The following C1orf53 variants were observed in gnomAD, a reference collection of about 807,000 sequenced individuals.
C1orf53 encodes uncharacterized protein C1orf53.
C1orf53 carries 23 observed loss-of-function variants against 17.5 expected under a neutral mutation model. The observed-to-expected ratio is 1.31, with a 90% CI of 0.94 to 1.86. The LOEUF is 1.86. C1orf53 is among the 40% of genes most tolerant of loss of function. C1orf53 has a pLI of 0.00. For synonymous variants in C1orf53, 108 were observed against 81.9 expected (o/e 1.32, Z -1.72); for missense variants, 255 against 193.2 (o/e 1.32, Z -1.89).
intron 1 of C1orf53, among the ~76,000 whole-genome samples, chr1:197,903,151 C>T (rs1450833540): frequency 6.6e-6 from 1 of 152,186 alleles, no homozygotes; most frequent in African/African-American, 2.4e-5. Flanking sequence ...CGATCAGCGT[C>T]CGAGCTAAAC....
At chr1:197,905,744 A>T in intron 1 of C1orf53, 52 bp from the exon 2 acceptor site, 2 of 1,184,390 alleles carry the variant, frequency 1.7e-6, no homozygotes, top group East Asian at 2.3e-5. Flanking sequence ...TATGGTGAAG[A>T]GATATGATGA....
In C1orf53 at chr1:197,902,634, C is replaced by A; in HGVS notation, c.-16C>A. The stretch of plus-strand genomic sequence containing the variant: ...CCCCAGCGCCGGGTGCTCCGCCTCC[C>A]AAGGCCGGCGGCGGCATGGCGGCCA... On this transcript the variant is annotated 5_prime_UTR_variant, in exon 1 of 3. Coordinates refer to ENST00000367393, the MANE Select transcript of C1orf53 (RefSeq NM_001024594.3). 7.1e-7 allele frequency: 1 copy of A among 1,406,610 alleles called. No individual in the cohort carries two copies. Among genetic ancestry groups the A allele is most frequent in the South Asian group, 1.5e-5 (1 of 65,040 alleles). The allele number at this position is 1,406,610 out of a possible 1,614,324, so 87.1% of individuals were successfully genotyped here. A position where few individuals can be genotyped will look rare whatever the true frequency, so the allele number is the denominator to read the frequency against.
chr1:197,907,272 A>G lies in C1orf53; in HGVS notation c.*52A>G. On this transcript the variant is annotated 3_prime_UTR_variant, in exon 3 of 3. Transcript: ENST00000367393. The stretch of plus-strand genomic sequence containing the variant: ...TGTGCTTGTATTTTTTAAAAAATAA[A>G]GCCCCAATTCAGAATTGCTGGATTA... 1 of 1,034,190 alleles carries G rather than the reference A, an allele frequency of 9.7e-7. No homozygotes were observed. The highest frequency in any genetic ancestry group is 1.5e-5 in the South Asian group (1 of 65,062). The allele number at this position is 1,034,190 out of a possible 1,614,324, so 64.1% of individuals were successfully genotyped here. A position where few individuals can be genotyped will look rare whatever the true frequency, so the allele number is the denominator to read the frequency against.
chr1:197,903,960 T>C (rs544790165), intron 1 of C1orf53, among the ~76,000 whole-genome samples: 1 of 152,350 alleles, frequency 6.6e-6, no homozygotes, highest in East Asian at 1.9e-4. Flanking sequence ...AAAAGTGTCA[T>C]TCTCCTTAGA....
intron 1 of C1orf53, among the ~76,000 whole-genome samples, chr1:197,903,548 G>A (rs1342819725): frequency 2.0e-5 from 3 of 152,112 alleles, no homozygotes; most frequent in Non-Finnish European, 4.4e-5. Flanking sequence ...GTCTGCGTGA[G>A]TTTAAAGGCA....
chr1:197,903,710 G>A (rs1324515766), intron 1 of C1orf53, among the ~76,000 whole-genome samples: 4 of 152,206 alleles, frequency 2.6e-5, no homozygotes, highest in East Asian at 1.9e-4. Flanking sequence ...TATGACTTGA[G>A]CCAAAGGGGT....
Position 197,902,915 on chromosome 1 carries a change from TGA to T in C1orf53, c.264+5_264+6del, listed in dbSNP as rs1437500613. 19 of 1,454,038 alleles carry T rather than the reference TGA, an allele frequency of 1.3e-5. No homozygotes were observed. The highest frequency in any genetic ancestry group is 1.6e-5 in the Non-Finnish European group (18 of 1,106,176). 90.1% of individuals were successfully genotyped at this position (1,454,038 alleles called of 1,614,324 possible). ...GAGCTGCACGCTGCCGCCTGCGCGG[TGA>T]GACTCCCTCCTGCCCGCCCCGCCCC... is the stretch of plus-strand genomic sequence containing the variant. On this transcript the variant is annotated splice_donor_region_variant and intron_variant, in intron 1 of 2. Transcript: ENST00000367393.
chr1:197,905,972 A>C lies in C1orf53; in HGVS notation c.366+75A>C, dbSNP rs138123930. ...CTTCGTAAATACCTATTATTTGAAC[A>C]ACAAGTCAAATAAAAAACCAAATAG... On this transcript the variant is annotated intron_variant, in intron 2 of 2. Transcript: ENST00000367393. The C allele has an allele frequency of 2.2e-3, 2,432 of 1,120,804 alleles. 28 individuals are homozygous for C. Among genetic ancestry groups the C allele is most frequent in the East Asian group, 5.7e-3 (243 of 42,488 alleles). The allele number at this position is 1,120,804 out of a possible 1,614,324, so 69.4% of individuals were successfully genotyped here.
chr1:197,905,876 T>C lies in C1orf53; in HGVS notation c.345T>C (p.Cys115=). Residue 115 remains cysteine (C), a synonymous_variant, in exon 2 of 3, where the codon TGT becomes TGC. Coordinates refer to ENST00000367393, the MANE Select transcript of C1orf53 (RefSeq NM_001024594.3). ...TQIAHLQRGE[C]CGSACRHCPY... is the part of the protein sequence containing the mutation. ...TTGCCCACTTGCAAAGAGGTGAATGTTGTGGCTCTGCGTGCAGACATGTGA... is the reference window on the plus strand; with the variant it reads ...TTGCCCACTTGCAAAGAGGTGAATGCTGTGGCTCTGCGTGCAGACATGTGA... The C allele has an allele frequency of 2.5e-6, 4 of 1,613,822 alleles. No homozygotes were observed. The highest frequency in any genetic ancestry group is 3.4e-6 in the Non-Finnish European group (4 of 1,179,704).
At chr1:197,903,033 C>A in intron 1 of C1orf53, 120 bp downstream of exon 1, 2 of 946,074 alleles carry the variant, frequency 2.1e-6, no homozygotes, top group Non-Finnish European at 2.8e-6. Flanking sequence ...TGCTGGATAC[C>A]GGTGCGGTCC....
chr1:197,905,732 A>G, intron 1 of C1orf53, 64 bp from the exon 2 acceptor site: 1 of 1,132,616 alleles, frequency 8.8e-7, no homozygotes, highest in South Asian at 1.3e-5. Flanking sequence ...ATGTGTAGAC[A>G]TTATGGTGAA....
At chr1:197,903,413 C>T (rs1412255966) in intron 1 of C1orf53, among the ~76,000 whole-genome samples, 2 of 152,168 alleles carry the variant, frequency 1.3e-5, no homozygotes. Context: ...TAACTCTTAA[C>T]GGAGCAGAGG....
At position 197,907,196 on chromosome 1, in the gene C1orf53, A is replaced by G. The variant is rs1161482945; in HGVS notation, c.414A>G (p.Gln138=). The G allele has an allele frequency of 1.9e-6, 3 of 1,581,514 alleles. No individual in the cohort carries two copies. Among genetic ancestry groups the G allele is most frequent in the Non-Finnish European group, 2.6e-6 (3 of 1,155,450 alleles). ...TTAAAGATCCATCTAAAAAGAAGCA[A>G]TTCAATTCATATTTTTATGTTTGAC... ...VNVKDPSKKK[Q]FNSYFYV The change falls in exon 3 of 3, where the codon CAA becomes CAG. Residue 138 remains glutamine, a synonymous_variant. Transcript: ENST00000367393.
intron 1 of C1orf53, among the ~76,000 whole-genome samples, chr1:197,903,398 TCTCTTAA>T (rs1294544469): frequency 6.6e-6 from 1 of 152,236 alleles, no homozygotes; most frequent in Non-Finnish European, 1.5e-5. Context: ...TCTTGTCCTT[TCTCTTAA>T]CTCTTAACGG....
rs1007500615 is a variant in C1orf53 at position 197,902,956 on chromosome 1, C to A, written c.264+43C>A. ...CCGCCCCGCCCCGCCGCGGCCGCCC[C>A]GGGCTCGGCGCGCCTGCGCATCCCG... On this transcript the variant is annotated intron_variant, in intron 1 of 2. Transcript: ENST00000367393. 6.8e-6 allele frequency: 9 copies of A among 1,332,656 alleles called. No individual in the cohort carries two copies. In the East Asian group the frequency reaches 2.5e-4, roughly 37 times the overall value. 82.6% of individuals were successfully genotyped at this position (1,332,656 alleles called of 1,614,324 possible).
At chr1:197,902,959 G>T in intron 1 of C1orf53, 46 bp downstream of exon 1, 3 of 1,331,534 alleles carry the variant, frequency 2.3e-6, no homozygotes, top group Non-Finnish European at 1.9e-6. Flanking sequence ...GCCGCCCCGG[G>T]CTCGGCGCGC....
intron 1 of C1orf53, among the ~76,000 whole-genome samples, chr1:197,905,226 CAACT>C (rs1434527295): frequency 3.3e-5 from 5 of 151,156 alleles, no homozygotes; most frequent in East Asian, 1.9e-4. Flanking sequence ...CTTAAAAATA[CAACT>C]AATAACACAC....
intron 2 of C1orf53, among the ~76,000 whole-genome samples, chr1:197,906,384 C>T (rs1449860769): frequency 6.6e-6 from 1 of 151,298 alleles, no homozygotes; most frequent in Non-Finnish European, 1.5e-5. Context: ...TTCCATCTCT[C>T]TCTCTCTCAT....
chr1:197,906,440 C>CTG lies in C1orf53; in HGVS notation c.366+546_366+547dup, dbSNP rs1417745973. Among the ~76,000 whole-genome samples the CTG allele has an allele frequency of 2.0e-5, 3 of 149,898 alleles. No homozygotes were observed. The Admixed American group carries it at 2.0e-4, about 10-fold the overall frequency. On this transcript the variant is annotated intron_variant, in intron 2 of 2. Coordinates refer to ENST00000367393, the MANE Select transcript of C1orf53 (RefSeq NM_001024594.3). The stretch of plus-strand genomic sequence containing the variant: ...ACCACCTTCCTCTCTCTGGTCCTTT[C>CTG]TGTGGCTCTTTTCCAGTCTGTGTTT...
Sources: gnomAD v4.1 joint callset for allele counts (sites outside exome capture counted in the v4.1 genomes callset) on GRCh38, gnomAD v4.1.1 for gene constraint, MANE v1.5 for transcripts, NCBI Gene and HGNC (gene_info 2026-07-23, HGNC 2026-07-21) for gene names.